Variants in MYO7B observed in about 807,000 individuals in gnomAD.
MYO7B encodes the protein unconventional myosin-VIIb.
In MYO7B, 212 loss-of-function variants were observed where a neutral mutation model predicts 259.7. The ratio of observed to expected loss-of-function variants is 0.82; its 90% confidence interval spans 0.73 to 0.91. The LOEUF is 0.91. Ranked by LOEUF, MYO7B falls within the 40% of genes least tolerant of loss-of-function variation. The pLI is 0.00. For missense variants in MYO7B, 2,732 were observed against 2,813.5 expected (o/e 0.97, Z 0.66); for synonymous variants, 1,197 against 1,166.4 (o/e 1.03, Z -0.54).
At chr2:127,629,250 G>A (rs1302249634) in intron 34 of MYO7B, among the ~76,000 whole-genome samples, 2 of 152,208 alleles carry the variant, frequency 1.3e-5, no homozygotes, top group Admixed American at 6.5e-5. Context: ...CACCGCAGGA[G>A]GGAAAGAGGA....
At chr2:127,563,507 G>A in intron 2 of MYO7B, among the ~76,000 whole-genome samples, 1 of 151,876 alleles carries the variant, frequency 6.6e-6, no homozygotes, top group East Asian at 1.9e-4. Context: ...ACTGCTTCCT[G>A]CAAATATGGA....
At chr2:127,573,568 T>C (rs1678735094) in intron 6 of MYO7B, among the ~76,000 whole-genome samples, 1 of 152,210 alleles carries the variant, frequency 6.6e-6, no homozygotes, top group African/African-American at 2.4e-5. Context: ...CCCTTATTAC[T>C]GCAGAATGAT....
At position 127,623,292 on chromosome 2, in the gene MYO7B, C is replaced by T. The variant is rs758584246; in HGVS notation, c.3736C>T (p.Arg1246Trp). Residue 1246 changes from arginine to tryptophan, a missense_variant, in exon 29 of 48, where the codon CGG becomes TGG. By Grantham distance (101) the Arg-to-Trp change is moderately radical. Around this residue, in one of 3 missense-constraint regions of MYO7B, gnomAD observed 1,906 missense variants for 2,026.4 expected, o/e 0.94. Coordinates refer to ENST00000409816, the MANE Select transcript of MYO7B (RefSeq NM_001393586.1). ...TVPVDSASTS[R>W]EMCMHIAHKQ... ...CCCCGTGGACTCAGCCTCCACATCT[C>T]GGGAAATGTGCATGCACATCGCTCA... The T allele has an allele frequency of 9.9e-6, 16 of 1,613,478 alleles. No homozygotes were observed. Among genetic ancestry groups the T allele is most frequent in the East Asian group, 4.5e-5 (2 of 44,876 alleles).
chr2:127,632,841 G>A (rs1681594150), intron 39 of MYO7B, among the ~76,000 whole-genome samples: 2 of 152,210 alleles, frequency 1.3e-5, no homozygotes, highest in African/African-American at 4.8e-5. Context: ...CTGTGGCCGT[G>A]AGGAGGGCAG....
At chr2:127,617,855 GTTTTTT>G (rs34544960) in intron 26 of MYO7B, among the ~76,000 whole-genome samples, 2 of 139,942 alleles carry the variant, frequency 1.4e-5, no homozygotes, top group Non-Finnish European at 3.1e-5. Flanking sequence ...CTGGGCTTTA[GTTTTTT>G]TTTTTTTTGC....
At chr2:127,565,509 A>G in intron 4 of MYO7B, 124 bp downstream of exon 4, 2 of 1,321,186 alleles carry the variant, frequency 1.5e-6, no homozygotes, top group Non-Finnish European at 2.1e-6. Flanking sequence ...GAGGTGGGCG[A>G]GGTGCCTAAC....
chr2:127,636,106 C>T lies in MYO7B; in HGVS notation c.6007-102C>T. On this transcript the variant is annotated intron_variant, in intron 44 of 47. Transcript: ENST00000409816. The surrounding 1 kb of genome is among the most constrained non-coding windows in gnomAD (Gnocchi z 4.5). ...GTCCCATGCTGCATTCCTCCCCTCC[C>T]CTCCCCACCGTACTAGCCCTGGGGT... 1.8e-6 allele frequency: 2 copies of T among 1,141,148 alleles called. No individual in the cohort carries two copies. The highest frequency in any genetic ancestry group is 1.4e-5 in the South Asian group (1 of 69,944). 70.7% of individuals were successfully genotyped at this position (1,141,148 alleles called of 1,614,324 possible). A position where few individuals can be genotyped will look rare whatever the true frequency, so the allele number is the denominator to read the frequency against.
chr2:127,563,838 A>G (rs567459967), intron 2 of MYO7B, among the ~76,000 whole-genome samples: 5 of 152,316 alleles, frequency 3.3e-5, no homozygotes, highest in East Asian at 1.9e-4. Flanking sequence ...ACTCAGCCAC[A>G]CCACCTTCCT....
intron 15 of MYO7B, among the ~76,000 whole-genome samples, chr2:127,589,597 GGGT>G (rs1233688149): frequency 6.9e-6 from 1 of 144,850 alleles, no homozygotes; most frequent in Non-Finnish European, 1.5e-5. Context: ...ATGGGTGAGT[GGGT>G]GGATGGGTGG....
Position 127,612,576 on chromosome 2 carries a change from G to A in MYO7B, c.3371G>A (p.Gly1124Asp), listed in dbSNP as rs770016730. The A allele has an allele frequency of 1.2e-6, 2 of 1,608,342 alleles. No homozygotes were observed. The highest frequency in any genetic ancestry group is 1.7e-6 in the Non-Finnish European group (2 of 1,177,744). ...SNLEKVHFIVGYAILRPSLRD... is the reference protein window; with the variant it reads ...SNLEKVHFIVDYAILRPSLRD... ...CTGGAGAAGGTGCACTTCATCGTGG[G>A]CTACGCCATCCTGCGGCCCAGCCTC... Residue 1124 changes from glycine to aspartate, a missense_variant, in exon 26 of 48, where the codon GGC becomes GAC. Physicochemically the swap from Gly to Asp is moderately conservative, Grantham distance 94. Transcript: ENST00000409816.
Position 127,609,236 on chromosome 2 carries a change from A to G in MYO7B, c.2815-270A>G, listed in dbSNP as rs1329201351. 6.6e-6 allele frequency among the ~76,000 whole-genome samples: 1 copy of G among 151,828 alleles called. No homozygotes were observed. The highest frequency in any genetic ancestry group is 1.5e-5 in the Non-Finnish European group (1 of 67,900). On this transcript the variant is annotated intron_variant, in intron 22 of 47. Transcript: ENST00000409816. The surrounding 1 kb of genome is among the most constrained non-coding windows in gnomAD (Gnocchi z 6.9). ...GAGGAAGCTGCAGTGAGGATGGTGC[A>G]TGCGGCAGAGGACACAGTGTCTGAG... is the stretch of plus-strand genomic sequence containing the variant.
At chr2:127,631,145 A>C in intron 36 of MYO7B, 61 bp from the exon 37 acceptor site, 2 of 1,500,782 alleles carry the variant, frequency 1.3e-6, no homozygotes, top group African/African-American at 1.4e-5. Flanking sequence ...GTCAGAGGAC[A>C]GAGAAGCGTG....
chr2:127,560,601 G>A (rs1247789432), intron 2 of MYO7B, among the ~76,000 whole-genome samples: 1 of 152,166 alleles, frequency 6.6e-6, no homozygotes, highest in Admixed American at 6.5e-5. Context: ...CAGGCCTTGA[G>A]AAGCCTGGCG....
rs370849693 is a variant in MYO7B, at chr2:127,636,189, T to A, written c.6007-19T>A. On this transcript the variant is annotated intron_variant, in intron 44 of 47. Transcript: ENST00000409816. The surrounding 1 kb of genome is among the most constrained non-coding windows in gnomAD (Gnocchi z 4.5). ...GGCCTCTGGGCACCCAAGTCCTTAC[T>A]GGCCCTCCTGTCCCCCAGAGCATCC... The A allele has an allele frequency of 6.3e-7, 1 of 1,596,066 alleles. No homozygotes were observed. Among genetic ancestry groups the A allele is most frequent in the African/African-American group, 1.3e-5 (1 of 74,596 alleles).
intron 12 of MYO7B, 68 bp downstream of exon 12, chr2:127,582,514 G>C (rs1558814998): frequency 4.5e-6 from 7 of 1,555,812 alleles, no homozygotes; most frequent in African/African-American, 1.4e-5. Context: ...CCTCTCGAAG[G>C]GGGCAAGTTG....
chr2:127,579,875 T>C (rs1469173523), intron 9 of MYO7B, among the ~76,000 whole-genome samples: 1 of 152,184 alleles, frequency 6.6e-6, no homozygotes, highest in African/African-American at 2.4e-5. Context: ...CACAAGCCAC[T>C]GCGCCTGGCC....
chr2:127,578,024 C>T lies in MYO7B; in HGVS notation c.850-109C>T, dbSNP rs188354760. The T allele has an allele frequency of 7.6e-5, 98 of 1,288,750 alleles. No individual in the cohort carries two copies. The African/African-American group carries it at 8.4e-4, about 11-fold the overall frequency. The allele number at this position is 1,288,750 out of a possible 1,614,324, so 79.8% of individuals were successfully genotyped here. ...AAAGAGTTTTTGAGCGTGGACCCTACGTGGTCCACCCATTGCCTATGAAGT... is the reference window on the plus strand; with the variant it reads ...AAAGAGTTTTTGAGCGTGGACCCTATGTGGTCCACCCATTGCCTATGAAGT... On this transcript the variant is annotated intron_variant, in intron 8 of 47. Transcript: ENST00000409816.
rs1573704067 is a variant in MYO7B at position 127,620,613 on chromosome 2, C to G, written c.3525+147C>G. On this transcript the variant is annotated intron_variant, in intron 27 of 47. Transcript: ENST00000409816. Reference sequence around the variant, plus strand: ...GGCCAGATGGGCAGCCATGCCTATGCTTCTCCAGGACTCAGTTTCCCCATC... The same window carrying G: ...GGCCAGATGGGCAGCCATGCCTATGGTTCTCCAGGACTCAGTTTCCCCATC... 4 of 1,041,344 alleles carry G rather than the reference C, an allele frequency of 3.8e-6. No homozygotes were observed. The African/African-American group carries it at 4.8e-5, about 13-fold the overall frequency. 64.5% of individuals were successfully genotyped at this position (1,041,344 alleles called of 1,614,324 possible).
chr2:127,564,002 A>G lies in MYO7B; in HGVS notation c.19-151A>G, dbSNP rs113885920. 9.4e-4 allele frequency: 535 copies of G among 567,870 alleles called. 2 individuals carry two copies. The highest frequency in any genetic ancestry group is 8.1e-3 in the African/African-American group (429 of 52,942). The allele number at this position is 567,870 out of a possible 1,614,324, so 35.2% of individuals were successfully genotyped here. Reference sequence around the variant, plus strand: ...GCCCAGTGAGCAGGGAGAAAGAGAGATGGGAGAGGGGAGGAGAGGAAAGGA... The same window carrying G: ...GCCCAGTGAGCAGGGAGAAAGAGAGGTGGGAGAGGGGAGGAGAGGAAAGGA... On this transcript the variant is annotated intron_variant, in intron 2 of 47. Transcript: ENST00000409816.
Sources: gnomAD v4.1 joint callset for allele counts (sites outside exome capture counted in the v4.1 genomes callset) on GRCh38, gnomAD v4.1.1 for gene constraint, gnomAD v4.1.1 regional missense constraint, Gnocchi (gnomAD v3.1) non-coding constraint, MANE v1.5 for transcripts, NCBI Gene and HGNC (gene_info 2026-07-23, HGNC 2026-07-21) for gene names.